The following BTG4 variants were observed in gnomAD, a reference collection of about 807,000 sequenced individuals.
BTG4 encodes the protein BTG anti-proliferation factor 4, also known as protein BTG4.
In BTG4, 10 loss-of-function variants were observed where a neutral mutation model predicts 19.3. The ratio of observed to expected loss-of-function variants is 0.52; its 90% CI spans 0.32 to 0.88. BTG4 has a LOEUF of 0.88. Ranked by LOEUF, BTG4 falls within the 40% of genes least tolerant of loss-of-function variation. The pLI is 0.04. For missense variants in BTG4, 238 were observed against 281.9 expected (o/e 0.84, Z 1.11); for synonymous variants, 91 against 95.7 (o/e 0.95, Z 0.29).
intron 4 of BTG4, chr11:111,496,907 C>A: frequency 2.8e-6 from 1 of 355,790 alleles, no homozygotes. Flanking sequence ...AAAAATCCCA[C>A]TAATCTTAAT....
chr11:111,433,276 C>G, the BTG4 span, among the ~76,000 whole-genome samples: 1 of 152,096 alleles, frequency 6.6e-6, no homozygotes, highest in African/African-American at 2.4e-5. Flanking sequence ...ATAGTTTGTC[C>G]AAACCTGACA....
the BTG4 span, among the ~76,000 whole-genome samples, chr11:111,419,703 C>G: frequency 6.6e-6 from 1 of 152,196 alleles, no homozygotes; most frequent in Non-Finnish European, 1.5e-5. Flanking sequence ...TCTCTGACTG[C>G]CAGCCAAGGC....
the BTG4 span, chr11:111,457,754 AC>A: frequency 3.4e-5 from 2 of 59,040 alleles, no homozygotes; most frequent in Non-Finnish European, 6.6e-5. Flanking sequence ...GCTCACTTCC[AC>A]CCTTGTGCCC....
chr11:111,435,140 A>C, the BTG4 span: 1 of 152,194 alleles, frequency 6.6e-6, no homozygotes, highest in Non-Finnish European at 1.5e-5. Flanking sequence ...CAAGTTCTCA[A>C]AGCAAACAGA....
At chr11:111,452,822 T>C in the BTG4 span, among the ~76,000 whole-genome samples, 1 of 151,830 alleles carries the variant, frequency 6.6e-6, no homozygotes, top group Admixed American at 6.6e-5. Context: ...CTGGAGAGGG[T>C]GGAGGTCAGG....
chr11:111,421,957 G>A, the BTG4 span, among the ~76,000 whole-genome samples: 139,999 of 151,976 alleles, frequency 0.92, 64,829 homozygotes, highest in East Asian at 1. Flanking sequence ...GCAATTTTTC[G>A]TGATACCATT....
chr11:111,418,299 T>C, the BTG4 span: 1 of 152,186 alleles, frequency 6.6e-6, no homozygotes, highest in Non-Finnish European at 1.5e-5. Flanking sequence ...TGAGCACTTA[T>C]TATGTGCAAA....
intron 1 of BTG4, among the ~76,000 whole-genome samples, chr11:111,500,289 A>G (rs1453799291): frequency 1.3e-5 from 2 of 152,258 alleles, no homozygotes; most frequent in Non-Finnish European, 2.9e-5. Flanking sequence ...AGCGTTAAGA[A>G]GCCACACCTG....
At chr11:111,386,599 C>T in the BTG4 span, among the ~76,000 whole-genome samples, 25 of 152,170 alleles carry the variant, frequency 1.6e-4, no homozygotes, top group African/African-American at 5.8e-4. Flanking sequence ...TGTGTATATA[C>T]ATATTTTCCT....
chr11:111,509,519 AC>A (rs1426894514), intron 1 of BTG4, among the ~76,000 whole-genome samples: 38 of 152,058 alleles, frequency 2.5e-4, no homozygotes, highest in Non-Finnish European at 2.2e-4. Flanking sequence ...ACATAGTGAA[AC>A]CCCATCTCTA....
the BTG4 span, chr11:111,404,661 A>G: frequency 4.4e-6 from 2 of 456,230 alleles, no homozygotes; most frequent in East Asian, 1.4e-4. Context: ...ACAAAAACAC[A>G]TCTCAGTGAA....
chr11:111,497,893 T>G (rs1865834588), intron 3 of BTG4, 105 bp downstream of exon 3: 5 of 1,261,468 alleles, frequency 4.0e-6, no homozygotes, highest in Non-Finnish European at 5.5e-6. Flanking sequence ...GTATCCCTGC[T>G]GCCAACTCAA....
the BTG4 span, among the ~76,000 whole-genome samples, chr11:111,407,474 C>T: frequency 6.6e-6 from 1 of 152,062 alleles, no homozygotes; most frequent in Non-Finnish European, 1.5e-5. Context: ...AGTTCAAGAC[C>T]AGCCTGACCA....
the BTG4 span, chr11:111,451,143 C>G: frequency 4.1e-6 from 1 of 242,396 alleles, no homozygotes; most frequent in Admixed American, 3.9e-5. Flanking sequence ...CTGTGAGTGT[C>G]CAGAGACCAC....
At chr11:111,484,793 C>T (rs1376075094) in intron 5 of BTG4, among the ~76,000 whole-genome samples, 1 of 152,068 alleles carries the variant, frequency 6.6e-6, no homozygotes, top group Admixed American at 6.6e-5. Flanking sequence ...AATAACAACA[C>T]TGAAATTTAA....
chr11:111,495,532 T>G (rs1247515544), intron 4 of BTG4, among the ~76,000 whole-genome samples: 2 of 152,344 alleles, frequency 1.3e-5, no homozygotes, highest in South Asian at 2.1e-4. Context: ...AACTAAAAAC[T>G]TTTTAATATG....
At chr11:111,474,722 T>C (rs1031042390) in intron 5 of BTG4, among the ~76,000 whole-genome samples, 1 of 152,162 alleles carries the variant, frequency 6.6e-6, no homozygotes, top group Non-Finnish European at 1.5e-5. Flanking sequence ...TGTTCAGTGT[T>C]AGTAGATACT....
At chr11:111,477,548 G>A (rs1864467958) in intron 5 of BTG4, among the ~76,000 whole-genome samples, 1 of 152,022 alleles carries the variant, frequency 6.6e-6, no homozygotes, top group Non-Finnish European at 1.5e-5. Flanking sequence ...CTCCCACTAA[G>A]AACAACTAAA....
At chr11:111,471,110 C>A (rs1427099583) in intron 5 of BTG4, among the ~76,000 whole-genome samples, 2 of 152,158 alleles carry the variant, frequency 1.3e-5, no homozygotes, top group Admixed American at 1.3e-4. Context: ...TTCAAAGCCA[C>A]TTTTATATAT....
Sources: allele counts gnomAD v4.1 joint callset (sites outside exome capture counted in the v4.1 genomes callset), GRCh38; gene constraint gnomAD v4.1.1; transcripts MANE v1.5; gene names NCBI Gene and HGNC (gene_info 2026-07-23, HGNC 2026-07-21).